CDK13: variants seen among roughly 807,000 people sequenced by gnomAD.
The protein encoded by CDK13 is cyclin-dependent kinase 13.
A neutral mutation model predicts 137.6 loss-of-function variants in CDK13; 40 were observed. That is an observed-to-expected ratio of 0.29 (90% confidence interval 0.23 to 0.38). CDK13 has a LOEUF of 0.38. Ranked by LOEUF, CDK13 falls within the 10% of genes least tolerant of loss-of-function variation. The pLI is 1.00. For missense variants in CDK13, 1,704 were observed against 1,951.8 expected, an observed-to-expected ratio of 0.87 and a Z score of 2.39; for synonymous variants, 869 against 760.1, an observed-to-expected ratio of 1.14 and a Z score of -2.36.
chr7:40,031,737 C>G (rs1455091588), intron 5 of CDK13, among the ~76,000 whole-genome samples: 4 of 151,686 alleles, frequency 2.6e-5, no homozygotes, highest in Non-Finnish European at 5.9e-5. Flanking sequence ...CCTCAAACTC[C>G]CAGTCTCAAG....
intron 5 of CDK13, among the ~76,000 whole-genome samples, chr7:40,018,778 G>A (rs937521168): frequency 2.0e-5 from 3 of 152,018 alleles, no homozygotes; most frequent in African/African-American, 7.3e-5. Flanking sequence ...GGGAGGCAGG[G>A]TACAGTGTAC....
Position 40,097,462 on chromosome 7 carries a change from A to G in CDK13, c.*2482A>G, listed in dbSNP as rs1787072307. The stretch of plus-strand genomic sequence containing the variant: ...TTTAATGCTTCCCTTCATAGCATTT[A>G]ATATTTTAATTCAGTGAATTTGGAT... On this transcript the variant is annotated 3_prime_UTR_variant, in exon 14 of 14. Transcript: ENST00000181839. The G allele has an allele frequency of 6.6e-6, 1 of 152,128 alleles. No individual in the cohort carries two copies. Among genetic ancestry groups the G allele is most frequent in the South Asian group, 2.1e-4 (1 of 4,834 alleles). 9.4% of individuals were successfully genotyped at this position (152,128 alleles called of 1,614,324 possible).
rs1458094485 is a variant in CDK13 at position 39,950,518 on chromosome 7, T to C, written c.-124T>C. 7.9e-7 allele frequency: 1 copy of C among 1,266,992 alleles called. No individual in the cohort carries two copies. The highest frequency in any genetic ancestry group is 1.6e-5 in the African/African-American group (1 of 64,384). The allele number at this position is 1,266,992 out of a possible 1,614,324, so 78.5% of individuals were successfully genotyped here. A position where few individuals can be genotyped will look rare whatever the true frequency, so the allele number is the denominator to read the frequency against. On this transcript the variant is annotated 5_prime_UTR_variant, in exon 1 of 14. Transcript: ENST00000181839. Reference sequence around the variant, plus strand: ...CCGACCCGGATTATCGTGGCGCTTTTCCCGGCCGGCTCTGGTGCTCGGTGT... The same window carrying C: ...CCGACCCGGATTATCGTGGCGCTTTCCCCGGCCGGCTCTGGTGCTCGGTGT...
At chr7:40,061,033 A>G (rs1328861212) in intron 7 of CDK13, 1 of 151,258 alleles carries the variant, frequency 6.6e-6, no homozygotes, top group Non-Finnish European at 1.5e-5. Context: ...GCGCCACTGT[A>G]CTCCAGCCTG....
intron 9 of CDK13, among the ~76,000 whole-genome samples, chr7:40,063,692 C>G (rs1182361423): frequency 6.6e-6 from 1 of 151,974 alleles, no homozygotes; most frequent in East Asian, 2.0e-4. Context: ...GAGTCTCACT[C>G]TGTCACCTAG....
chr7:40,050,357 TGAA>T (rs1785858376), intron 7 of CDK13, among the ~76,000 whole-genome samples: 1 of 152,038 alleles, frequency 6.6e-6, no homozygotes, highest in East Asian at 1.9e-4. Flanking sequence ...AAACTTAACT[TGAA>T]GTATATTTTT....
At chr7:40,033,659 C>G (rs1283690025) in intron 5 of CDK13, among the ~76,000 whole-genome samples, 1 of 152,104 alleles carries the variant, frequency 6.6e-6, no homozygotes, top group Non-Finnish European at 1.5e-5. Context: ...GGAATTTCTT[C>G]TTAAATAAGG....
intron 6 of CDK13, among the ~76,000 whole-genome samples, chr7:40,046,725 G>A (rs1238330173): frequency 1.3e-5 from 2 of 151,868 alleles, no homozygotes; most frequent in Non-Finnish European, 2.9e-5. Flanking sequence ...GTTAGTGGCC[G>A]GGTGGGGCAG....
intron 1 of CDK13, among the ~76,000 whole-genome samples, chr7:39,976,358 C>CACACACACACACACACACAG (rs1368250288): frequency 2.7e-5 from 4 of 147,208 alleles, no homozygotes; most frequent in South Asian, 2.3e-4. Context: ...CACACACACA[C>CACACACACACACACACACAG]AGAAACAAAT....
chr7:40,079,213 G>T (rs1347278269), intron 11 of CDK13, among the ~76,000 whole-genome samples: 1 of 152,182 alleles, frequency 6.6e-6, no homozygotes, highest in Non-Finnish European at 1.5e-5. Context: ...GAGGTCAGGA[G>T]TTTGAGACCA....
chr7:40,040,819 TTAACTG>T (rs1562744006), intron 5 of CDK13, among the ~76,000 whole-genome samples: 1 of 152,186 alleles, frequency 6.6e-6, no homozygotes, highest in African/African-American at 2.4e-5. Context: ...TTTAACCTGT[TTAACTG>T]TAATAATTTT....
At chr7:40,061,936 A>T (rs1329282761) in intron 7 of CDK13, 1 of 152,202 alleles carries the variant, frequency 6.6e-6, no homozygotes. Flanking sequence ...TGATAAAGGA[A>T]TTATTTGATA....
chr7:40,041,280 C>A (rs915475577), intron 5 of CDK13, among the ~76,000 whole-genome samples: 2 of 152,096 alleles, frequency 1.3e-5, no homozygotes, highest in Admixed American at 6.6e-5. Context: ...GAGCCAAGAT[C>A]GTGCCACTGC....
intron 5 of CDK13, among the ~76,000 whole-genome samples, chr7:40,045,083 G>A (rs908070788): frequency 3.9e-5 from 6 of 151,966 alleles, no homozygotes; most frequent in Non-Finnish European, 8.8e-5. Flanking sequence ...TAAAAATTAG[G>A]AACTTATCTG....
chr7:39,996,535 T>G (rs1784563364), intron 2 of CDK13, among the ~76,000 whole-genome samples: 1 of 152,162 alleles, frequency 6.6e-6, no homozygotes, highest in Non-Finnish European at 1.5e-5. Flanking sequence ...TTAAAAAAAT[T>G]AGAAGAATAA....
In CDK13 at chr7:39,950,665, G is replaced by T; in HGVS notation, c.24G>T (p.Ala8=). Residue 8 remains alanine, a synonymous_variant, in exon 1 of 14, where the codon GCG becomes GCT. Transcript: ENST00000181839. ...CGATGCCGAGCAGCTCGGACACGGC[G>T]CTGGGGGGAGGCGGGGGCCTGAGCT... MPSSSDT[A]LGGGGGLSWA... is the part of the protein sequence containing the mutation. 7.3e-7 allele frequency: 1 copy of T among 1,375,018 alleles called. No homozygotes were observed. The highest frequency in any genetic ancestry group is 3.5e-5 in the Admixed American group (1 of 28,302). 85.2% of individuals were successfully genotyped at this position (1,375,018 alleles called of 1,614,324 possible). A position where few individuals can be genotyped will look rare whatever the true frequency, so the allele number is the denominator to read the frequency against.
chr7:40,044,443 C>T (rs1164274632), intron 5 of CDK13, among the ~76,000 whole-genome samples: 1 of 151,718 alleles, frequency 6.6e-6, no homozygotes, highest in Admixed American at 6.6e-5. Context: ...TTCAGTCCCC[C>T]GAGTAGCTGG....
chr7:40,084,641 A>C (rs184219523), intron 11 of CDK13, among the ~76,000 whole-genome samples: 1 of 152,252 alleles, frequency 6.6e-6, no homozygotes, highest in African/African-American at 2.4e-5. Flanking sequence ...ACAAAATATC[A>C]GTTGCCATTA....
intron 5 of CDK13, among the ~76,000 whole-genome samples, chr7:40,023,809 A>G (rs937736382): frequency 6.6e-6 from 1 of 152,030 alleles, no homozygotes; most frequent in Non-Finnish European, 1.5e-5. Flanking sequence ...TAATACTAAA[A>G]CTGCTGGAGA....
Sources: allele counts gnomAD v4.1 joint callset (sites outside exome capture counted in the v4.1 genomes callset), GRCh38; gene constraint gnomAD v4.1.1; transcripts MANE v1.5; gene names NCBI Gene and HGNC (gene_info 2026-07-23, HGNC 2026-07-21).